Variants in MAP3K10 observed in about 807,000 individuals in gnomAD.
MAP3K10 encodes the protein mitogen-activated protein kinase kinase kinase 10.
A neutral mutation model predicts 75.0 loss-of-function variants in MAP3K10; 22 were observed. That is an observed-to-expected ratio of 0.29 (90% CI 0.21 to 0.42). The LOEUF (loss-of-function observed/expected upper bound fraction) is 0.42. Ranked by LOEUF, MAP3K10 falls within the 10% of genes least tolerant of loss-of-function variation. The pLI is 1.00. For synonymous variants in MAP3K10, 599 were observed against 612.9 expected, an observed-to-expected ratio of 0.98 and a Z score of 0.34; for missense variants, 1,165 against 1,379.8, an observed-to-expected ratio of 0.84 and a Z score of 2.47.
chr19:40,208,362 T>TTTTA (rs1429241948), intron 5 of MAP3K10, among the ~76,000 whole-genome samples: 38 of 116,422 alleles, frequency 3.3e-4, no homozygotes, highest in South Asian at 1.5e-3. Context: ...TTTTTTTTTT[T>TTTTA]TTTTTTTGTA....
chr19:40,192,163 G>A lies in MAP3K10; in HGVS notation c.132G>A (p.Gln44=). The A allele has an allele frequency of 6.2e-7, 1 of 1,605,280 alleles. No homozygotes were observed. The highest frequency in any genetic ancestry group is 8.5e-7 in the Non-Finnish European group (1 of 1,176,960). ...CCCTGCGGAGGGGCGATCGCGTCCA[G>A]GTGCTTTCCCAAGACTGTGCGGTGT... ...ELTLRRGDRV[Q]VLSQDCAVSG... The change falls in exon 1 of 10, where the codon CAG becomes CAA. Residue 44 remains glutamine (Q), a synonymous_variant. Coordinates refer to ENST00000253055, the MANE Select transcript of MAP3K10 (RefSeq NM_002446.4). The surrounding 1 kb of genome is among the most constrained non-coding windows in gnomAD (Gnocchi z 7.1).
intron 2 of MAP3K10, among the ~76,000 whole-genome samples, chr19:40,200,370 G>C (rs1322632402): frequency 3.9e-5 from 6 of 152,190 alleles, no homozygotes; most frequent in Admixed American, 6.5e-5. Context: ...TCACCAGTGA[G>C]AGTTGATGGT....
chr19:40,198,660 C>A lies in MAP3K10; in HGVS notation c.863+105C>A. ...CTCCTGCTGAAGCCAGGATCTCAGT[C>A]TGACAAAGGGACCTGCTGGCAAGGT... On this transcript the variant is annotated intron_variant, in intron 2 of 9. Coordinates refer to ENST00000253055, the MANE Select transcript of MAP3K10 (RefSeq NM_002446.4). This position sits in a 1 kb window ranked among gnomAD's most constrained non-coding sequence, Gnocchi z 4.3. 1 of 1,219,514 alleles carries A rather than the reference C, an allele frequency of 8.2e-7. No homozygotes were observed. The highest frequency in any genetic ancestry group is 1.1e-6 in the Non-Finnish European group (1 of 884,526). The allele number at this position is 1,219,514 out of a possible 1,614,324, so 75.5% of individuals were successfully genotyped here.
rs773326474 is a variant in MAP3K10 at position 40,213,640 on chromosome 19, C to G, written c.1961C>G (p.Pro654Arg). The G allele has an allele frequency of 7.0e-7, 1 of 1,424,682 alleles. No homozygotes were observed. Among genetic ancestry groups the G allele is most frequent in the South Asian group, 1.4e-5 (1 of 73,928 alleles). 88.3% of individuals were successfully genotyped at this position (1,424,682 alleles called of 1,614,324 possible). A position where few individuals can be genotyped will look rare whatever the true frequency, so the allele number is the denominator to read the frequency against. ...CCGGGGGCGCGGGCGCCGTGGGAGC[C>G]GACGCCGTCCGCGCCCCCCGCTCGG... ...PSPGARAPWE[P>R]TPSAPPARWG... is the part of the protein sequence containing the mutation. Residue 654 changes from proline (P) to arginine (R), a missense_variant, in exon 9 of 10, where the codon CCG (proline) becomes CGG (arginine). Pro to Arg is a moderately radical substitution (Grantham distance 103). Transcript: ENST00000253055. The surrounding 1 kb of genome is among the most constrained non-coding windows in gnomAD (Gnocchi z 5.7).
In MAP3K10 at chr19:40,205,941, C is replaced by G; in HGVS notation, c.1219C>G (p.Arg407Gly). The G allele has an allele frequency of 6.3e-7, 1 of 1,590,034 alleles. No homozygotes were observed. The highest frequency in any genetic ancestry group is 8.6e-7 in the Non-Finnish European group (1 of 1,167,222). The stretch of plus-strand genomic sequence containing the variant: ...TCGGAGCCGTGAGGAGGAGCTGCTG[C>G]GGGCGGCACAGGAGCAGCGCTTCCA... ...ELRSREEELLRAAQEQRFQEE... is the reference protein window; with the variant it reads ...ELRSREEELLGAAQEQRFQEE... Residue 407 changes from arginine to glycine, a missense_variant, in exon 5 of 10, where the codon CGG (arginine) becomes GGG (glycine). Arg to Gly is a moderately radical substitution (Grantham distance 125, BLOSUM62 -2). Transcript: ENST00000253055. This position sits in a 1 kb window ranked among gnomAD's most constrained non-coding sequence, Gnocchi z 4.3.
intron 6 of MAP3K10, among the ~76,000 whole-genome samples, chr19:40,211,014 G>A (rs1973228637): frequency 6.6e-6 from 1 of 152,138 alleles, no homozygotes; most frequent in Non-Finnish European, 1.5e-5. Context: ...TCAAGTTGAC[G>A]CATAAAATTA....
chr19:40,213,659 C>A lies in MAP3K10; in HGVS notation c.1980C>A (p.Pro660=), dbSNP rs756536280. 4.0e-6 allele frequency: 5 copies of A among 1,255,152 alleles called. No homozygotes were observed. The African/African-American group carries it at 6.6e-5, about 16-fold the overall frequency. 77.8% of individuals were successfully genotyped at this position (1,255,152 alleles called of 1,614,324 possible). Residue 660 remains proline, a synonymous_variant, in exon 9 of 10, where the codon CCC becomes CCA. Transcript: ENST00000253055. This position sits in a 1 kb window ranked among gnomAD's most constrained non-coding sequence, Gnocchi z 5.7. The part of the protein sequence containing the change: ...APWEPTPSAP[P]ARWGHGARRR... ...GGGAGCCGACGCCGTCCGCGCCCCC[C>A]GCTCGGTGGGGACACGGCGCCCGGC...
chr19:40,204,994 C>A lies in MAP3K10; in HGVS notation c.1013-127C>A, dbSNP rs1318179344. 5.7e-6 allele frequency: 5 copies of A among 871,314 alleles called. No individual in the cohort carries two copies. The highest frequency in any genetic ancestry group is 3.7e-4 in the Middle Eastern group (1 of 2,730). 54.0% of individuals were successfully genotyped at this position (871,314 alleles called of 1,614,324 possible). On this transcript the variant is annotated intron_variant, in intron 3 of 9. Transcript: ENST00000253055. This position sits in a 1 kb window ranked among gnomAD's most constrained non-coding sequence, Gnocchi z 4.3. ...AGCTTGGCTTTGAATCCCTTCCCCTCAGCTCCATAGCAGCTGTTTGTCTGC... is the reference window on the plus strand; with the variant it reads ...AGCTTGGCTTTGAATCCCTTCCCCTAAGCTCCATAGCAGCTGTTTGTCTGC...
rs1052210719 is a variant in MAP3K10, at chr19:40,212,812, C to T, written c.1560C>T (p.Pro520=). The change falls in exon 7 of 10, where the codon CCC becomes CCT. Residue 520 remains proline (P), a synonymous_variant. Transcript: ENST00000253055. The surrounding 1 kb of genome is among the most constrained non-coding windows in gnomAD (Gnocchi z 4.2). ...TGGCTTCTCTGGACCCAGTGACTCC[C>T]GTGGACTGTGGTGGCAGCAGCAGTG... ...IPRLRAIRLT[P]VDCGGSSSGS... 7 of 1,590,684 alleles carry T rather than the reference C, an allele frequency of 4.4e-6. No homozygotes were observed. Among genetic ancestry groups the T allele is most frequent in the East Asian group, 4.6e-5 (2 of 43,758 alleles).
At chr19:40,202,911 A>G (rs563359203) in intron 2 of MAP3K10, among the ~76,000 whole-genome samples, 8 of 152,374 alleles carry the variant, frequency 5.3e-5, no homozygotes, top group Non-Finnish European at 7.3e-5. Context: ...TCATGCAGGC[A>G]GCATGTGGCC....
chr19:40,198,232 G>A lies in MAP3K10; in HGVS notation c.683-143G>A. 2.8e-6 allele frequency: 2 copies of A among 723,234 alleles called. 1 individual carries two copies. The highest frequency in any genetic ancestry group is 3.7e-5 in the South Asian group (2 of 53,426). 44.8% of individuals were successfully genotyped at this position (723,234 alleles called of 1,614,324 possible). On this transcript the variant is annotated intron_variant, in intron 1 of 9. Coordinates refer to ENST00000253055, the MANE Select transcript of MAP3K10 (RefSeq NM_002446.4). This position sits in a 1 kb window ranked among gnomAD's most constrained non-coding sequence, Gnocchi z 4.3. ...GGCGGAGGGGCTCATGGATGTTCCA[G>A]GCCAGGAAAGGACCTGCCACAGAGC... is the stretch of plus-strand genomic sequence containing the variant.
intron 1 of MAP3K10, among the ~76,000 whole-genome samples, chr19:40,193,973 G>T (rs1343154684): frequency 6.6e-6 from 1 of 152,012 alleles, no homozygotes; most frequent in Non-Finnish European, 1.5e-5. Context: ...CTATTTTTAG[G>T]AATATATTGC....
chr19:40,213,285 T>C lies in MAP3K10; in HGVS notation c.1837+97T>C. On this transcript the variant is annotated intron_variant, in intron 8 of 9. Transcript: ENST00000253055. This position sits in a 1 kb window ranked among gnomAD's most constrained non-coding sequence, Gnocchi z 5.7. ...AAGAGACCAGGTTTCACTGGGCCAG[T>C]GAGTGGAAGGCCTTCCTGGGAAGGG... 1.4e-6 allele frequency: 2 copies of C among 1,455,700 alleles called. No individual in the cohort carries two copies. Among genetic ancestry groups the C allele is most frequent in the South Asian group, 2.9e-5 (2 of 70,106 alleles). The allele number at this position is 1,455,700 out of a possible 1,614,324, so 90.2% of individuals were successfully genotyped here. A position where few individuals can be genotyped will look rare whatever the true frequency, so the allele number is the denominator to read the frequency against.
chr19:40,214,364 G>T, intron 9 of MAP3K10, 143 bp downstream of exon 9: 1 of 1,054,594 alleles, frequency 9.5e-7, no homozygotes, highest in South Asian at 2.0e-5. Context: ...TCCCTTTACC[G>T]CTCACTCCTG....
intron 6 of MAP3K10, among the ~76,000 whole-genome samples, chr19:40,210,125 G>A (rs1973208789): frequency 6.6e-6 from 1 of 152,142 alleles, no homozygotes; most frequent in South Asian, 2.1e-4. Flanking sequence ...AAGTCAGCCA[G>A]GTGCTGTGAC....
rs1972957082 is a variant in MAP3K10, at chr19:40,198,507, C to T, written c.815C>T (p.Pro272Leu). 2.5e-6 allele frequency: 4 copies of T among 1,613,860 alleles called. No homozygotes were observed. Among genetic ancestry groups the T allele is most frequent in the Non-Finnish European group, 3.4e-6 (4 of 1,179,942 alleles). Reference sequence around the variant, plus strand: ...GCGGGGACCTACGCCTGGATGGCGCCGGAGGTTATCCGTCTCTCCCTCTTC... The same window carrying T: ...GCGGGGACCTACGCCTGGATGGCGCTGGAGGTTATCCGTCTCTCCCTCTTC... The part of the protein sequence containing the change: ...SAAGTYAWMA[P>L]EVIRLSLFSK... Residue 272 changes from proline (P) to leucine (L), a missense_variant, in exon 2 of 10, where the codon CCG (proline) becomes CTG (leucine). Pro to Leu is a moderately conservative substitution (Grantham distance 98). Coordinates refer to ENST00000253055, the MANE Select transcript of MAP3K10 (RefSeq NM_002446.4). This position sits in a 1 kb window ranked among gnomAD's most constrained non-coding sequence, Gnocchi z 4.3.
At chr19:40,203,823 C>A (rs1422429512) in intron 2 of MAP3K10, among the ~76,000 whole-genome samples, 3 of 152,164 alleles carry the variant, frequency 2.0e-5, no homozygotes, top group Admixed American at 2.0e-4. Flanking sequence ...GCTTTGGAGG[C>A]TGTGGAATCA....
Position 40,204,459 on chromosome 19 carries a change from C to T in MAP3K10, c.864-26C>T. The T allele has an allele frequency of 6.2e-7, 1 of 1,603,740 alleles. No individual in the cohort carries two copies. Among genetic ancestry groups the T allele is most frequent in the Non-Finnish European group, 8.5e-7 (1 of 1,175,450 alleles). On this transcript the variant is annotated intron_variant, in intron 2 of 9. Transcript: ENST00000253055. The surrounding 1 kb of genome is among the most constrained non-coding windows in gnomAD (Gnocchi z 4.3). ...TGAGGATTGGGGTGGGCTGCGACAT[C>T]ACCCCTCCCTCTCCCCTGCCTGCAG...
intron 6 of MAP3K10, among the ~76,000 whole-genome samples, chr19:40,211,881 G>A (rs1973247260): frequency 1.3e-5 from 2 of 152,106 alleles, no homozygotes; most frequent in Admixed American, 6.5e-5. Context: ...GCACCACCAT[G>A]CCTGGCTAAT....
Sources: gnomAD v4.1 joint callset for allele counts (sites outside exome capture counted in the v4.1 genomes callset) on GRCh38, gnomAD v4.1.1 for gene constraint, Gnocchi (gnomAD v3.1) non-coding constraint, MANE v1.5 for transcripts, NCBI Gene and HGNC (gene_info 2026-07-23, HGNC 2026-07-21) for gene names.